The following INO80 variants were observed in gnomAD, a reference collection of about 807,000 sequenced individuals.
INO80 encodes chromatin-remodeling ATPase INO80.
A neutral mutation model predicts 203.4 loss-of-function variants in INO80; 20 were observed. That is an observed-to-expected ratio of 0.10 (90% confidence interval 0.07 to 0.14). The LOEUF is 0.14. INO80 is among the 10% of genes least tolerant of loss of function. The pLI is 1.00. For missense variants in INO80, 1,419 were observed against 1,914.4 expected (o/e 0.74, Z 4.83); for synonymous variants, 726 against 685.2 (o/e 1.06, Z -0.93).
intron 24 of INO80, among the ~76,000 whole-genome samples, chr15:41,041,485 G>A (rs776963692): frequency 6.6e-6 from 1 of 150,416 alleles, no homozygotes; most frequent in Non-Finnish European, 1.5e-5. Flanking sequence ...CTGTTCCCCA[G>A]GCTGGAGTGT....
intron 1 of INO80, among the ~76,000 whole-genome samples, chr15:41,114,150 C>T (rs964144486): frequency 2.0e-5 from 3 of 151,742 alleles, no homozygotes; most frequent in African/African-American, 7.3e-5. Context: ...GCCTGTAATA[C>T]CAGCTACTCA....
intron 24 of INO80, among the ~76,000 whole-genome samples, chr15:41,042,507 T>C (rs1341605738): frequency 6.6e-6 from 1 of 152,104 alleles, no homozygotes; most frequent in African/African-American, 2.4e-5. Context: ...GGAGTCTCGC[T>C]CTGTCACCCA....
intron 33 of INO80, 113 bp downstream of exon 33, chr15:40,984,084 T>G: frequency 7.3e-7 from 1 of 1,373,702 alleles, no homozygotes; most frequent in Non-Finnish European, 1.0e-6. Context: ...GCAACCTACT[T>G]CAACAAGGCT....
At chr15:41,040,739 T>G (rs750750757) in intron 24 of INO80, among the ~76,000 whole-genome samples, 2 of 151,518 alleles carry the variant, frequency 1.3e-5, no homozygotes, top group Non-Finnish European at 2.9e-5. Context: ...ACTGCATCAG[T>G]GCATTCCAGC....
chr15:41,006,344 T>C (rs2044040103), intron 27 of INO80, among the ~76,000 whole-genome samples: 1 of 152,252 alleles, frequency 6.6e-6, no homozygotes, highest in Non-Finnish European at 1.5e-5. Flanking sequence ...TATAGTTATG[T>C]CCAAATGAAC....
chr15:40,983,836 G>C lies in INO80; in HGVS notation c.4163C>G (p.Ala1388Gly), dbSNP rs749485366. 4.3e-6 allele frequency: 7 copies of C among 1,612,844 alleles called. No individual in the cohort carries two copies. The Admixed American group carries it at 5.0e-5, about 12-fold the overall frequency. Residue 1388 changes from alanine (A) to glycine (G), a missense_variant, in exon 34 of 36, where the codon GCC becomes GGC. Physicochemically the swap from Ala to Gly is moderately conservative, Grantham distance 60 (BLOSUM62 0). Transcript: ENST00000648947. ...SDMLVIVDDP[A>G]SSAPQSRATN... ...AGCTCGAGACTGAGGGGCTGAGGAG[G>C]CTGGGTCATCCACAATGACCAGCAT...
intron 27 of INO80, among the ~76,000 whole-genome samples, chr15:41,007,099 C>T (rs1278503054): frequency 6.7e-6 from 1 of 150,348 alleles, no homozygotes; most frequent in Non-Finnish European, 1.5e-5. Flanking sequence ...AATACCAAGA[C>T]AGTTTACAGA....
rs944909016 is a variant in INO80, at chr15:41,026,247, T to G, written c.3048+1349A>C. On this transcript the variant is annotated intron_variant, in intron 25 of 35. Coordinates refer to ENST00000648947, the MANE Select transcript of INO80 (RefSeq NM_017553.3). ...AAGGGAGACAGAAAAGGCTCCTTCT[T>G]CTTTTAATAGAACTGTGAAAACAGG... Among the ~76,000 whole-genome samples the G allele has an allele frequency of 3.3e-5, 5 of 152,200 alleles. No individual in the cohort carries two copies. The East Asian group carries it at 9.6e-4, about 29-fold the overall frequency.
At chr15:41,000,297 G>T (rs1249091781) in intron 28 of INO80, among the ~76,000 whole-genome samples, 3 of 152,088 alleles carry the variant, frequency 2.0e-5, no homozygotes, top group Admixed American at 1.3e-4. Flanking sequence ...TATGAGCATG[G>T]GGTAGGCGTC....
At chr15:41,078,570 G>A (rs532003045) in intron 9 of INO80, among the ~76,000 whole-genome samples, 1 of 152,096 alleles carries the variant, frequency 6.6e-6, no homozygotes, top group Non-Finnish European at 1.5e-5. Flanking sequence ...CTTCATTCTC[G>A]AAGTCATGAT....
intron 1 of INO80, among the ~76,000 whole-genome samples, chr15:41,097,208 G>A (rs1480210337): frequency 2.6e-5 from 4 of 152,132 alleles, no homozygotes; most frequent in Admixed American, 6.6e-5. Context: ...ACCACGCCCA[G>A]CTGATTTTTG....
At chr15:41,071,154 G>T (rs1247129185) in intron 12 of INO80, among the ~76,000 whole-genome samples, 1 of 152,166 alleles carries the variant, frequency 6.6e-6, no homozygotes, top group Non-Finnish European at 1.5e-5. Context: ...GGGTGACAGA[G>T]TAAGATCCTG....
chr15:40,995,576 C>T (rs1391400751), intron 29 of INO80, among the ~76,000 whole-genome samples: 1 of 152,026 alleles, frequency 6.6e-6, no homozygotes, highest in Non-Finnish European at 1.5e-5. Flanking sequence ...TAATAAAGGG[C>T]AGAGAGAAAC....
At chr15:41,114,983 ATTAC>A (rs1051050046) in intron 1 of INO80, among the ~76,000 whole-genome samples, 28 of 152,264 alleles carry the variant, frequency 1.8e-4, no homozygotes, top group East Asian at 9.6e-4. Context: ...GTTTCAGAAA[ATTAC>A]TTAATTATAC....
At chr15:41,079,118 C>T in intron 9 of INO80, among the ~76,000 whole-genome samples, 1 of 151,890 alleles carries the variant, frequency 6.6e-6, no homozygotes, top group East Asian at 1.9e-4. Context: ...GCCTGGGCGA[C>T]AAGAGTGAAA....
intron 1 of INO80, among the ~76,000 whole-genome samples, chr15:41,105,753 C>G (rs2045871209): frequency 6.6e-6 from 1 of 152,046 alleles, no homozygotes; most frequent in African/African-American, 2.4e-5. Context: ...CAAATTGTTC[C>G]AGCTTTGGCC....
chr15:41,085,514 C>A lies in INO80; in HGVS notation c.728G>T (p.Arg243Leu), dbSNP rs776475349. The change falls in exon 7 of 36, where the codon CGC (arginine) becomes CTC (leucine). Residue 243 changes from arginine (R) to leucine (L), a missense_variant. By Grantham distance (102) the Arg-to-Leu change is moderately radical (BLOSUM62 -2). Coordinates refer to ENST00000648947, the MANE Select transcript of INO80 (RefSeq NM_017553.3). ...EELSSEESPRRHHHQTKVFAK... is the reference protein window; with the variant it reads ...EELSSEESPRLHHHQTKVFAK... ...AAAGACTTTGGTCTGGTGGTGATGG[C>A]GACGAGGGGATTCTTCAGAGGAAAG... 7 of 1,614,008 alleles carry A rather than the reference C, an allele frequency of 4.3e-6. No homozygotes were observed. In the African/African-American group the frequency reaches 6.7e-5, roughly 15 times the overall value.
chr15:41,051,964 AT>A (rs2044882557), intron 19 of INO80, among the ~76,000 whole-genome samples: 1 of 151,982 alleles, frequency 6.6e-6, no homozygotes, highest in African/African-American at 2.4e-5. Flanking sequence ...TCTCAAAAAA[AT>A]AAAAAATAAA....
In INO80 at chr15:40,982,849, T is replaced by C. The variant is rs1893881344; in HGVS notation, c.4453+13A>G. 5 of 1,602,478 alleles carry C rather than the reference T, an allele frequency of 3.1e-6. No individual in the cohort carries two copies. The highest frequency in any genetic ancestry group is 4.3e-6 in the Non-Finnish European group (5 of 1,171,796). On this transcript the variant is annotated intron_variant, in intron 35 of 35. Transcript: ENST00000648947. ...ACCAGAACAAAGTCTGCAGCCACCC[T>C]GGGCTTCTGTACCTTTAGACACGTT...
Sources: gnomAD v4.1 joint callset for allele counts (sites outside exome capture counted in the v4.1 genomes callset) on GRCh38, gnomAD v4.1.1 for gene constraint, MANE v1.5 for transcripts, NCBI Gene and HGNC (gene_info 2026-07-23, HGNC 2026-07-21) for gene names.